CSMD1: variants seen among roughly 807,000 people sequenced by gnomAD.
CSMD1 encodes the protein CUB and Sushi multiple domains 1.
In CSMD1, 213 loss-of-function variants were observed where a neutral mutation model predicts 417.5. The observed-to-expected ratio is 0.51, with a 90% CI of 0.46 to 0.57. The LOEUF (loss-of-function observed/expected upper bound fraction) is 0.57, where lower values mean the gene tolerates loss of function less well. Ranked by LOEUF, CSMD1 falls within the 20% of genes least tolerant of loss-of-function variation. CSMD1 has a pLI of 0.00. For synonymous variants in CSMD1, 2,862 were observed against 1,736.8 expected, an observed-to-expected ratio of 1.65 and a Z score of -16.11; for missense variants, 6,923 against 4,529.7, an observed-to-expected ratio of 1.53 and a Z score of -15.17.
intron 1 of CSMD1, among the ~76,000 whole-genome samples, chr8:4,872,991 G>A (rs1258671078): frequency 6.6e-6 from 1 of 152,024 alleles, no homozygotes; most frequent in Non-Finnish European, 1.5e-5. Flanking sequence ...AAGGTGTACA[G>A]TGTGTGATGC....
At chr8:4,330,020 G>T (rs527724879) in intron 3 of CSMD1, among the ~76,000 whole-genome samples, 2 of 152,252 alleles carry the variant, frequency 1.3e-5, no homozygotes, top group East Asian at 1.9e-4. Context: ...ACAGCATGCA[G>T]AACTGTGAGC....
At chr8:3,757,645 C>T (rs1283036724) in intron 5 of CSMD1, among the ~76,000 whole-genome samples, 1 of 151,918 alleles carries the variant, frequency 6.6e-6, no homozygotes, top group Non-Finnish European at 1.5e-5. Context: ...GGTGGATCAC[C>T]TGAGGTCAAG....
intron 26 of CSMD1, among the ~76,000 whole-genome samples, chr8:3,236,706 C>T (rs1799174366): frequency 6.6e-6 from 1 of 152,154 alleles, no homozygotes; most frequent in Non-Finnish European, 1.5e-5. Flanking sequence ...TTTTATGTGC[C>T]ACATCATACA....
intron 1 of CSMD1, among the ~76,000 whole-genome samples, chr8:4,979,301 T>C (rs1471709359): frequency 1.3e-5 from 2 of 152,214 alleles, no homozygotes; most frequent in African/African-American, 2.4e-5. Flanking sequence ...TTTTTACATG[T>C]GTTTCTTCTT....
intron 5 of CSMD1, among the ~76,000 whole-genome samples, chr8:3,995,193 T>A (rs931242974): frequency 1.3e-5 from 2 of 152,212 alleles, no homozygotes; most frequent in African/African-American, 4.8e-5. Flanking sequence ...CTTCAAATTA[T>A]TCTGTTTTAT....
intron 10 of CSMD1, among the ~76,000 whole-genome samples, chr8:3,560,340 C>A (rs180905040): frequency 1.5e-4 from 23 of 152,196 alleles, no homozygotes; most frequent in Non-Finnish European, 2.9e-4. Context: ...AGGTACCTAT[C>A]ATTATCATCA....
chr8:2,986,110 T>C (rs1805884010), intron 54 of CSMD1, among the ~76,000 whole-genome samples: 1 of 152,112 alleles, frequency 6.6e-6, no homozygotes. Context: ...GCTATAGTTT[T>C]GGCTTTTAGG....
At chr8:4,127,652 C>A (rs570162372) in intron 3 of CSMD1, among the ~76,000 whole-genome samples, 2 of 152,002 alleles carry the variant, frequency 1.3e-5, no homozygotes, top group South Asian at 2.1e-4. Flanking sequence ...CACTCACCCC[C>A]TTTACTTAGA....
At chr8:3,767,133 G>A (rs961769468) in intron 5 of CSMD1, among the ~76,000 whole-genome samples, 4 of 152,250 alleles carry the variant, frequency 2.6e-5, no homozygotes, top group Non-Finnish European at 4.4e-5. Flanking sequence ...CGCTGAGGCT[G>A]CTGTGTCTCC....
chr8:4,246,475 G>GT (rs1436478588), intron 3 of CSMD1, among the ~76,000 whole-genome samples: 1 of 152,134 alleles, frequency 6.6e-6, no homozygotes, highest in Non-Finnish European at 1.5e-5. Flanking sequence ...AATTGGTCTT[G>GT]TTACAGAGAT....
At chr8:3,574,683 G>A (rs1410249922) in intron 10 of CSMD1, among the ~76,000 whole-genome samples, 1 of 152,182 alleles carries the variant, frequency 6.6e-6, no homozygotes. Flanking sequence ...ATAAGAGAAA[G>A]CACTATGATA....
intron 26 of CSMD1, among the ~76,000 whole-genome samples, chr8:3,278,084 A>G (rs977722333): frequency 6.6e-6 from 1 of 152,036 alleles, no homozygotes; most frequent in Non-Finnish European, 1.5e-5. Flanking sequence ...TAGAGTTTCA[A>G]GGGAAAAAAT....
intron 54 of CSMD1, among the ~76,000 whole-genome samples, chr8:2,986,693 A>G (rs1805940421): frequency 6.6e-6 from 1 of 151,882 alleles, no homozygotes; most frequent in African/African-American, 2.4e-5. Flanking sequence ...TTTAGTAGAG[A>G]CGGGTTTTCA....
At chr8:3,838,033 T>C (rs926007315) in intron 5 of CSMD1, among the ~76,000 whole-genome samples, 1 of 152,106 alleles carries the variant, frequency 6.6e-6, no homozygotes, top group Non-Finnish European at 1.5e-5. Context: ...TAAATAAATA[T>C]GTATGTATTG....
chr8:3,229,971 C>T (rs879673613), intron 27 of CSMD1, 69 bp downstream of exon 27: 41 of 1,070,200 alleles, frequency 3.8e-5, no homozygotes, highest in African/African-American at 4.8e-5. Flanking sequence ...AATACATTTA[C>T]GGAGCGCTTT....
intron 50 of CSMD1, among the ~76,000 whole-genome samples, chr8:3,048,980 G>T (rs566412436): frequency 2.6e-5 from 4 of 151,698 alleles, no homozygotes; most frequent in African/African-American, 7.2e-5. Context: ...CATATGAAAA[G>T]ATGCTGCACA....
chr8:3,367,245 C>A lies in CSMD1; in HGVS notation c.2902G>T (p.Val968Phe). Residue 968 changes from valine (V) to phenylalanine (F), a missense_variant and splice_region_variant, in exon 20 of 70, where the codon GTT (valine) becomes TTT (phenylalanine). Val to Phe is a conservative substitution (Grantham distance 50). Transcript: ENST00000635120. Reference sequence around the variant, plus strand: ...TGAAAGGTGTGAAAGATCATTTGAACTCCTGAGAAATGAAGCCGGGGGAGA... The same window carrying A: ...TGAAAGGTGTGAAAGATCATTTGAAATCCTGAGAAATGAAGCCGGGGGAGA... ...WTIEVSHGKGVQMIFHTFHLE... is the reference protein window; with the variant it reads ...WTIEVSHGKGFQMIFHTFHLE... The A allele has an allele frequency of 1.9e-6, 3 of 1,607,374 alleles. No homozygotes were observed. The highest frequency in any genetic ancestry group is 1.7e-5 in the Admixed American group (1 of 59,592).
chr8:3,779,171 G>A (rs1437796474), intron 5 of CSMD1, among the ~76,000 whole-genome samples: 2 of 151,652 alleles, frequency 1.3e-5, no homozygotes, highest in South Asian at 2.1e-4. Flanking sequence ...GTGTGTGTGT[G>A]TGTGTGTGTG....
chr8:3,722,509 CTTACCT>C (rs1802244367), intron 6 of CSMD1, among the ~76,000 whole-genome samples: 1 of 152,172 alleles, frequency 6.6e-6, no homozygotes, highest in African/African-American at 2.4e-5. Flanking sequence ...CAGGGTCTGT[CTTACCT>C]TTGAGTTTTT....
Sources: gnomAD v4.1 joint callset for allele counts (sites outside exome capture counted in the v4.1 genomes callset) on GRCh38, gnomAD v4.1.1 for gene constraint, MANE v1.5 for transcripts, NCBI Gene and HGNC (gene_info 2026-07-23, HGNC 2026-07-21) for gene names.